MTR: variants seen among roughly 807,000 people sequenced by gnomAD.
The protein encoded by MTR is 5-methyltetrahydrofolate-homocysteine methyltransferase.
MTR carries 84 observed loss-of-function variants against 154.8 expected under a neutral mutation model. That is an observed-to-expected ratio of 0.54 (90% CI 0.45 to 0.65). MTR has a LOEUF of 0.65. Ranked by LOEUF, MTR falls within the 30% of genes least tolerant of loss-of-function variation. The probability of loss-of-function intolerance (pLI) is 0.00; values close to 1 mark genes in which losing one functional copy is unlikely to be tolerated. For synonymous variants in MTR, 554 were observed against 553.9 expected, an observed-to-expected ratio of 1.00 and a Z score of 0.00; for missense variants, 1,275 against 1,570.2, an observed-to-expected ratio of 0.81 and a Z score of 3.18.
intron 8 of MTR, among the ~76,000 whole-genome samples, chr1:236,822,277 G>T (rs1248648713): frequency 1.3e-5 from 2 of 148,678 alleles, no homozygotes; most frequent in Non-Finnish European, 3.0e-5. Context: ...CATTTGTTTT[G>T]GTGCTAGTGT....
At chr1:236,895,838 GT>G (rs1666594517) in intron 31 of MTR, among the ~76,000 whole-genome samples, 1 of 152,210 alleles carries the variant, frequency 6.6e-6, no homozygotes, top group Non-Finnish European at 1.5e-5. Flanking sequence ...TCCTGCCCCA[GT>G]TTCCTGTCAC....
At chr1:236,878,758 T>A (rs1255013943) in intron 24 of MTR, among the ~76,000 whole-genome samples, 1 of 152,178 alleles carries the variant, frequency 6.6e-6, no homozygotes, top group East Asian at 1.9e-4. Flanking sequence ...TTCAATAGAT[T>A]TGGGGTCTTT....
chr1:236,869,352 T>C (rs921922098), intron 22 of MTR, among the ~76,000 whole-genome samples: 7 of 152,192 alleles, frequency 4.6e-5, no homozygotes, highest in South Asian at 2.1e-4. Flanking sequence ...AGCTCTATTC[T>C]AAGCACTTAA....
At chr1:236,816,662 T>TA in intron 8 of MTR, 119 bp downstream of exon 8, 1 of 852,098 alleles carries the variant, frequency 1.2e-6, no homozygotes. Flanking sequence ...ACTTCTGCTA[T>TA]ATTGACTTTC....
At chr1:236,881,114 G>T (rs1311525285) in intron 25 of MTR, among the ~76,000 whole-genome samples, 2 of 152,146 alleles carry the variant, frequency 1.3e-5, no homozygotes, top group East Asian at 3.9e-4. Context: ...ACCAGACAAA[G>T]ATTTCACCCA....
In MTR at chr1:236,861,105, T is replaced by A; in HGVS notation, c.2044-20T>A. The A allele has an allele frequency of 6.6e-7, 1 of 1,503,948 alleles. No homozygotes were observed. The highest frequency in any genetic ancestry group is 8.8e-7 in the Non-Finnish European group (1 of 1,131,910). 93.2% of individuals were successfully genotyped at this position (1,503,948 alleles called of 1,614,324 possible). On this transcript the variant is annotated intron_variant, in intron 19 of 32. Coordinates refer to ENST00000366577, the MANE Select transcript of MTR (RefSeq NM_000254.3). The stretch of plus-strand genomic sequence containing the variant: ...TTTCTTTCTTTCTTTTTCTTTTTTT[T>A]TTTTTTTTGTCTTTTTTAGGGCATT...
chr1:236,812,611 C>A (rs1661368882), intron 5 of MTR, 127 bp from the exon 6 acceptor site: 10 of 785,094 alleles, frequency 1.3e-5, no homozygotes, highest in Non-Finnish European at 2.3e-5. Flanking sequence ...TACAAAAGAT[C>A]ATGTTCTTAA....
At chr1:236,835,833 A>G in intron 14 of MTR, 146 bp downstream of exon 14, 2 of 1,123,208 alleles carry the variant, frequency 1.8e-6, no homozygotes, top group South Asian at 1.3e-5. Context: ...TCTGATTGTC[A>G]GCTTTCTCAG....
chr1:236,819,683 T>G (rs1304847836), intron 8 of MTR: 16 of 669,892 alleles, frequency 2.4e-5, no homozygotes, highest in Non-Finnish European at 3.6e-5. Flanking sequence ...AGGATGTCCT[T>G]AAGTTCCTTA....
intron 16 of MTR, 31 bp downstream of exon 16, chr1:236,850,554 T>C: frequency 6.2e-7 from 1 of 1,602,788 alleles, no homozygotes; most frequent in South Asian, 1.1e-5. Context: ...TCCCAAGTCA[T>C]GGCTCAAATT....
At position 236,866,017 on chromosome 1, in the gene MTR, G is replaced by A. The variant is rs527893955; in HGVS notation, c.2405+2463G>A. On this transcript the variant is annotated intron_variant, in intron 22 of 32. Coordinates refer to ENST00000366577, the MANE Select transcript of MTR (RefSeq NM_000254.3). ...TTTTGGTTCTAAAAGCTGGGACTTC[G>A]TAATATGTCACCTTACTTTACAATA... is the stretch of plus-strand genomic sequence containing the variant. Among the ~76,000 whole-genome samples the A allele has an allele frequency of 6.6e-5, 10 of 152,286 alleles. No homozygotes were observed. The East Asian group carries it at 1.9e-3, about 29-fold the overall frequency.
chr1:236,839,463 A>G (rs1572242404), intron 15 of MTR, among the ~76,000 whole-genome samples: 1 of 152,334 alleles, frequency 6.6e-6, no homozygotes, highest in East Asian at 1.9e-4. Context: ...AAGTAAAGAA[A>G]TAATGAGATT....
At position 236,803,653 on chromosome 1, in the gene MTR, C is replaced by T. The variant is rs752416578; in HGVS notation, c.249+11C>T. The T allele has an allele frequency of 1.2e-6, 2 of 1,610,092 alleles. No individual in the cohort carries two copies. The highest frequency in any genetic ancestry group is 1.7e-6 in the Non-Finnish European group (2 of 1,176,824). On this transcript the variant is annotated intron_variant, in intron 2 of 32. Coordinates refer to ENST00000366577, the MANE Select transcript of MTR (RefSeq NM_000254.3). ...TACCAAATCCATAAGGTAAAGTATT[C>T]CCAGGTTCCCATGTGTATTCATTCT...
At chr1:236,853,143 T>C in intron 18 of MTR, 55 bp downstream of exon 18, 5 of 1,567,176 alleles carry the variant, frequency 3.2e-6, no homozygotes, top group Non-Finnish European at 4.4e-6. Flanking sequence ...AATGTATTAC[T>C]CACCTACAGT....
rs1235310340 is a variant in MTR, at chr1:236,900,344, C to G, written c.*2700C>G. Reference sequence around the variant, plus strand: ...CATGGGGCGTACTATTTTTATTGAGCCCAAAAACAAGCAAAACCAAAGAAT... The same window carrying G: ...CATGGGGCGTACTATTTTTATTGAGGCCAAAAACAAGCAAAACCAAAGAAT... On this transcript the variant is annotated 3_prime_UTR_variant, in exon 33 of 33. Coordinates refer to ENST00000366577, the MANE Select transcript of MTR (RefSeq NM_000254.3). The G allele has an allele frequency of 1.2e-5, 2 of 173,362 alleles. No homozygotes were observed. Among genetic ancestry groups the G allele is most frequent in the Non-Finnish European group, 2.5e-5 (2 of 80,070 alleles). 10.7% of individuals were successfully genotyped at this position (173,362 alleles called of 1,614,324 possible). A position where few individuals can be genotyped will look rare whatever the true frequency, so the allele number is the denominator to read the frequency against.
Position 236,891,261 on chromosome 1 carries a change from C to A in MTR, c.3136C>A (p.Leu1046Met). ...PAQSIQDDIH[L>M]YAEAAVPQAA... ...ACAGAGTATCCAAGACGACATTCACCTGTACGCAGAGGCTGCTGTGCCCCA... is the reference window on the plus strand; with the variant it reads ...ACAGAGTATCCAAGACGACATTCACATGTACGCAGAGGCTGCTGTGCCCCA... Residue 1046 changes from leucine to methionine, a missense_variant, in exon 29 of 33, where the codon CTG (leucine) becomes ATG (methionine). Physicochemically the swap from Leu to Met is conservative, Grantham distance 15. Coordinates refer to ENST00000366577, the MANE Select transcript of MTR (RefSeq NM_000254.3). The A allele has an allele frequency of 6.2e-7, 1 of 1,614,158 alleles. No homozygotes were observed. The highest frequency in any genetic ancestry group is 1.3e-5 in the African/African-American group (1 of 75,048).
chr1:236,823,680 A>G (rs902736473), intron 8 of MTR, among the ~76,000 whole-genome samples: 2 of 152,114 alleles, frequency 1.3e-5, no homozygotes, highest in Middle Eastern at 6.8e-3. Context: ...GGGGTAGAGC[A>G]TAAGTCCTGG....
rs1309715076 is a variant in MTR, at chr1:236,898,298, C to T, written c.*654C>T. On this transcript the variant is annotated 3_prime_UTR_variant, in exon 33 of 33. Transcript: ENST00000366577. Reference sequence around the variant, plus strand: ...GCCATGCTTTCTGGGCATTTTCGTCCTCCCATAATTTCATATTTCCGTACC... The same window carrying T: ...GCCATGCTTTCTGGGCATTTTCGTCTTCCCATAATTTCATATTTCCGTACC... The T allele has an allele frequency of 6.6e-6, 1 of 152,274 alleles. No individual in the cohort carries two copies. Among genetic ancestry groups the T allele is most frequent in the Non-Finnish European group, 1.5e-5 (1 of 68,182 alleles). 9.4% of individuals were successfully genotyped at this position (152,274 alleles called of 1,614,324 possible). A position where few individuals can be genotyped will look rare whatever the true frequency, so the allele number is the denominator to read the frequency against.
intron 29 of MTR, 31 bp downstream of exon 29, chr1:236,891,360 C>T (rs372617420): frequency 2.0e-5 from 32 of 1,599,518 alleles, no homozygotes; most frequent in Middle Eastern, 1.8e-4. Context: ...GCCAGCACAC[C>T]GCTTTCGCTT....
Sources: allele counts gnomAD v4.1 joint callset (sites outside exome capture counted in the v4.1 genomes callset), GRCh38; gene constraint gnomAD v4.1.1; transcripts MANE v1.5; gene names NCBI Gene and HGNC (gene_info 2026-07-23, HGNC 2026-07-21).